Variants in INPP4B observed in about 807,000 individuals in gnomAD.
The protein encoded by INPP4B is inositol polyphosphate 4-phosphatase type II.
INPP4B carries 55 observed loss-of-function variants against 122.5 expected under a neutral mutation model. That is an observed-to-expected ratio of 0.45 (90% confidence interval 0.36 to 0.56). The LOEUF (loss-of-function observed/expected upper bound fraction) is 0.56, where lower values mean the gene tolerates loss of function less well. Ranked by LOEUF, INPP4B falls within the 20% of genes least tolerant of loss-of-function variation. INPP4B has a pLI of 0.00. For missense variants in INPP4B, 1,000 were observed against 1,097.7 expected, an observed-to-expected ratio of 0.91 and a Z score of 1.26; for synonymous variants, 403 against 388.7, an observed-to-expected ratio of 1.04 and a Z score of -0.43.
At chr4:142,645,453 C>G (rs1751541941) in intron 2 of INPP4B, among the ~76,000 whole-genome samples, 1 of 152,154 alleles carries the variant, frequency 6.6e-6, no homozygotes, top group Non-Finnish European at 1.5e-5. Context: ...ATGTGCCTTT[C>G]CTAATAAGTC....
At position 142,150,667 on chromosome 4, in the gene INPP4B, A is replaced by G. The variant is rs115137084; in HGVS notation, c.1564-4671T>C. ...TCATTTATTTCTGGGTTACAACCTA[A>G]GGTAACATGCAGGTCAAACCCAATG... On this transcript the variant is annotated intron_variant, in intron 17 of 25. Transcript: ENST00000262992. 5.1e-3 allele frequency among the ~76,000 whole-genome samples: 779 copies of G among 152,250 alleles called. 10 individuals carry two copies. Among genetic ancestry groups the G allele is most frequent in the African/African-American group, 0.018 (741 of 41,540 alleles).
intron 12 of INPP4B, among the ~76,000 whole-genome samples, chr4:142,220,300 GGCTCAAC>G: frequency 6.6e-6 from 1 of 152,284 alleles, no homozygotes; most frequent in Non-Finnish European, 1.5e-5. Context: ...ACTTTCATAT[GGCTCAAC>G]AGAGCCGGTT....
chr4:142,670,143 T>C (rs1247938997), intron 2 of INPP4B, among the ~76,000 whole-genome samples: 1 of 152,174 alleles, frequency 6.6e-6, no homozygotes, highest in Non-Finnish European at 1.5e-5. Flanking sequence ...CTAGTAGCCA[T>C]CTAAGTTATC....
intron 17 of INPP4B, among the ~76,000 whole-genome samples, chr4:142,149,623 C>T (rs1487007206): frequency 2.0e-5 from 3 of 152,098 alleles, no homozygotes; most frequent in African/African-American, 7.2e-5. Flanking sequence ...TTTACAGGAG[C>T]AAGACTAGGT....
At chr4:142,644,425 G>T (rs1751266536) in intron 2 of INPP4B, among the ~76,000 whole-genome samples, 2 of 152,110 alleles carry the variant, frequency 1.3e-5, no homozygotes, top group South Asian at 2.1e-4. Context: ...AAAGAGATAT[G>T]AAATTATATC....
intron 9 of INPP4B, among the ~76,000 whole-genome samples, chr4:142,274,934 A>G (rs973810042): frequency 1.3e-5 from 2 of 151,888 alleles, no homozygotes; most frequent in Non-Finnish European, 2.9e-5. Context: ...AGATAGACTT[A>G]AATATTTAAC....
chr4:142,562,432 T>A (rs1730671111), intron 2 of INPP4B, among the ~76,000 whole-genome samples: 1 of 152,178 alleles, frequency 6.6e-6, no homozygotes, highest in Admixed American at 6.5e-5. Context: ...GATTTATGCA[T>A]TAAGTTTTGT....
At chr4:142,651,680 G>A (rs180821023) in intron 2 of INPP4B, among the ~76,000 whole-genome samples, 62 of 152,184 alleles carry the variant, frequency 4.1e-4, no homozygotes, top group Middle Eastern at 6.8e-3. Context: ...GGAAGAAATC[G>A]AATCTCTGAA....
intron 2 of INPP4B, among the ~76,000 whole-genome samples, chr4:142,654,344 C>A (rs1282222312): frequency 1.6e-5 from 2 of 123,342 alleles, no homozygotes; most frequent in East Asian, 2.7e-4. Flanking sequence ...ACATTGTGCA[C>A]TTGTACCCTA....
chr4:142,169,939 T>G (rs1187615462), intron 16 of INPP4B, among the ~76,000 whole-genome samples: 1 of 151,692 alleles, frequency 6.6e-6, no homozygotes, highest in Non-Finnish European at 1.5e-5. Context: ...TGATGGGTGT[T>G]TGAACGCTAA....
intron 25 of INPP4B, among the ~76,000 whole-genome samples, chr4:142,076,095 A>C (rs1298467520): frequency 6.6e-6 from 1 of 152,016 alleles, no homozygotes; most frequent in African/African-American, 2.4e-5. Flanking sequence ...TGGCCTCCAC[A>C]CTCACAGGGT....
intron 25 of INPP4B, among the ~76,000 whole-genome samples, chr4:142,068,981 C>A (rs1231891599): frequency 1.3e-5 from 2 of 152,188 alleles, no homozygotes; most frequent in Non-Finnish European, 2.9e-5. Flanking sequence ...ACCAAGCAGA[C>A]CTAATAGACA....
At chr4:142,545,390 A>G (rs1160615633) in intron 2 of INPP4B, among the ~76,000 whole-genome samples, 1 of 152,126 alleles carries the variant, frequency 6.6e-6, no homozygotes, top group Non-Finnish European at 1.5e-5. Context: ...GAAGGTAACT[A>G]TAACACAGAA....
intron 2 of INPP4B, among the ~76,000 whole-genome samples, chr4:142,553,107 T>C (rs1381707266): frequency 6.6e-6 from 1 of 152,184 alleles, no homozygotes; most frequent in Non-Finnish European, 1.5e-5. Flanking sequence ...TTCTGTTCTG[T>C]TTTTCTAAAA....
intron 11 of INPP4B, among the ~76,000 whole-genome samples, chr4:142,259,583 A>C (rs116186051): frequency 0.086 from 6,592 of 76,604 alleles, 472 homozygotes; most frequent in African/African-American, 0.21. Context: ...CAAATCAAGA[A>C]AAAAATATAA....
rs1834267141 is a variant in INPP4B at position 142,188,518 on chromosome 4, A to AAAAAAAAAT, written c.1181+4568_1181+4569insATTTTTTTT. ...AAAAAAAAAAAAAAAAAAGAAAAAA[A>AAAAAAAAAT]ATATATATAGCTTGACTTATGAGTT... On this transcript the variant is annotated intron_variant, in intron 15 of 25. Coordinates refer to ENST00000262992, the MANE Select transcript of INPP4B (RefSeq NM_001101669.3). 2.9e-5 allele frequency among the ~76,000 whole-genome samples: 3 copies of AAAAAAAAAT among 105,126 alleles called. 1 individual carries two copies. The highest frequency in any genetic ancestry group is 5.6e-5 in the Non-Finnish European group (3 of 53,206). 69.0% of individuals were successfully genotyped at this position (105,126 alleles called of 152,430 possible).
chr4:142,443,149 A>G (rs531924897), intron 3 of INPP4B, among the ~76,000 whole-genome samples: 1 of 152,316 alleles, frequency 6.6e-6, no homozygotes, highest in Non-Finnish European at 1.5e-5. Context: ...TGGTAATAAG[A>G]ATTCAGCCAA....
chr4:142,461,026 A>G (rs528675598), intron 3 of INPP4B, among the ~76,000 whole-genome samples: 20 of 152,006 alleles, frequency 1.3e-4, no homozygotes, highest in African/African-American at 4.6e-4. Context: ...AAAAAATTAG[A>G]CAGGCATGGT....
chr4:142,456,274 T>C (rs572357245), intron 3 of INPP4B, among the ~76,000 whole-genome samples: 2 of 152,210 alleles, frequency 1.3e-5, no homozygotes, highest in South Asian at 4.1e-4. Context: ...GTAGTAGTTT[T>C]ATAGTTTGAG....
Sources: gnomAD v4.1 joint callset for allele counts (sites outside exome capture counted in the v4.1 genomes callset) on GRCh38, gnomAD v4.1.1 for gene constraint, MANE v1.5 for transcripts, NCBI Gene and HGNC (gene_info 2026-07-23, HGNC 2026-07-21) for gene names.